Variants in NDUFC2 observed in about 807,000 individuals in gnomAD.
NDUFC2 encodes the protein NADH:ubiquinone oxidoreductase subunit C2.
NDUFC2 carries 2 observed loss-of-function variants against 10.1 expected under a neutral mutation model. The ratio of observed to expected loss-of-function variants is 0.20; its 90% CI spans 0.08 to 0.62. The LOEUF is 0.62. NDUFC2 is among the 20% of genes least tolerant of loss of function. The pLI is 0.87. For synonymous variants in NDUFC2, 61 were observed against 63.6 expected (o/e 0.96, Z 0.20); for missense variants, 156 against 159.6 (o/e 0.98, Z 0.12).
chr11:78,078,743 T>TTTTTTTA (rs1859362696), intron 1 of NDUFC2, among the ~76,000 whole-genome samples: 2 of 142,912 alleles, frequency 1.4e-5, no homozygotes, highest in Non-Finnish European at 3.0e-5. Flanking sequence ...TTTTTTTTTT[T>TTTTTTTA]GAGACAGGGT....
intron 1 of NDUFC2, among the ~76,000 whole-genome samples, chr11:78,076,017 T>C (rs1859233203): frequency 6.6e-6 from 1 of 152,222 alleles, no homozygotes. Context: ...CTTCACTCTA[T>C]ATGCACAATC....
chr11:78,077,937 G>A (rs1859320034), intron 1 of NDUFC2, among the ~76,000 whole-genome samples: 1 of 152,196 alleles, frequency 6.6e-6, no homozygotes, highest in African/African-American at 2.4e-5. Context: ...ATATGAAGTG[G>A]TGATGAAAAG....
At chr11:78,072,436 C>G (rs551586049) in intron 2 of NDUFC2, among the ~76,000 whole-genome samples, 6 of 152,360 alleles carry the variant, frequency 3.9e-5, no homozygotes, top group East Asian at 1.9e-4. Flanking sequence ...GCTCGGCCCC[C>G]CAAAGTGCTG....
intron 1 of NDUFC2, among the ~76,000 whole-genome samples, chr11:78,077,298 A>G (rs1006494049): frequency 6.6e-6 from 1 of 152,100 alleles, no homozygotes; most frequent in African/African-American, 2.4e-5. Flanking sequence ...TCTCAAAAAA[A>G]AAAAAAGGGT....
chr11:78,074,897 C>A (rs1276637608), intron 1 of NDUFC2, among the ~76,000 whole-genome samples: 1 of 152,168 alleles, frequency 6.6e-6, no homozygotes, highest in African/African-American at 2.4e-5. Flanking sequence ...GACCCATGTT[C>A]CTCACAGAAA....
At chr11:78,070,098 T>C (rs1366011291) in intron 2 of NDUFC2, 62 bp from the exon 3 acceptor site, 4 of 1,206,410 alleles carry the variant, frequency 3.3e-6, no homozygotes, top group Non-Finnish European at 4.7e-6. Context: ...TTGTATTTCC[T>C]AAACGAAAAT....
chr11:78,079,222 AG>A (rs1465914750), intron 1 of NDUFC2, among the ~76,000 whole-genome samples: 1 of 152,012 alleles, frequency 6.6e-6, no homozygotes, highest in African/African-American at 2.4e-5. Context: ...CATCCCTAAA[AG>A]TGTTTTAAGG....
rs540144360 is a variant in NDUFC2, at chr11:78,078,628, G to A, written c.166+951C>T. ...GGGAAGTACAGCACACTGGTTTAGA[G>A]CCTCCTATTCAAACCGTGGTCCTCA... On this transcript the variant is annotated intron_variant, in intron 1 of 2. Coordinates refer to ENST00000281031, the MANE Select transcript of NDUFC2 (RefSeq NM_004549.6). Among the ~76,000 whole-genome samples, 7 of 152,028 alleles carry A rather than the reference G, an allele frequency of 4.6e-5. No individual in the cohort carries two copies. In the East Asian group the frequency reaches 1.2e-3, roughly 25 times the overall value.
chr11:78,072,311 G>C lies in NDUFC2; in HGVS notation c.310+687C>G, dbSNP rs1006892190. Among the ~76,000 whole-genome samples, 6 of 152,264 alleles carry C rather than the reference G, an allele frequency of 3.9e-5. No individual in the cohort carries two copies. The South Asian group carries it at 1.2e-3, about 32-fold the overall frequency. On this transcript the variant is annotated intron_variant, in intron 2 of 2. Coordinates refer to ENST00000281031, the MANE Select transcript of NDUFC2 (RefSeq NM_004549.6). ...TCCTGCCTCAGCCTCCCAAGTAGCTGGGCTTACAGGCACCCGCCATCATGC... is the reference window on the plus strand; with the variant it reads ...TCCTGCCTCAGCCTCCCAAGTAGCTCGGCTTACAGGCACCCGCCATCATGC...
chr11:78,075,934 A>C (rs748681312), intron 1 of NDUFC2, among the ~76,000 whole-genome samples: 1 of 152,124 alleles, frequency 6.6e-6, no homozygotes, highest in Non-Finnish European at 1.5e-5. Flanking sequence ...CCAGGGCTGT[A>C]GTTTGAAAAT....
At chr11:78,072,844 T>C in intron 2 of NDUFC2, 154 bp downstream of exon 2, 2 of 1,094,290 alleles carry the variant, frequency 1.8e-6, no homozygotes, top group South Asian at 1.7e-5. Context: ...AGTCAGAAAC[T>C]GGATATATTA....
chr11:78,075,954 C>A (rs1859230117), intron 1 of NDUFC2, among the ~76,000 whole-genome samples: 1 of 152,174 alleles, frequency 6.6e-6, no homozygotes, highest in African/African-American at 2.4e-5. Context: ...TCTACCATAT[C>A]TCTTCCACCA....
At chr11:78,078,943 A>G (rs1859378078) in intron 1 of NDUFC2, among the ~76,000 whole-genome samples, 1 of 151,212 alleles carries the variant, frequency 6.6e-6, no homozygotes, top group East Asian at 1.9e-4. Context: ...CCATACTGGT[A>G]TCGAATTCCT....
chr11:78,079,462 C>A, intron 1 of NDUFC2, 117 bp downstream of exon 1: 1 of 1,396,142 alleles, frequency 7.2e-7, no homozygotes. Context: ...CGAGATGGGG[C>A]CAGCTAGGCA....
rs1859081154 is a variant in NDUFC2 at position 78,073,061 on chromosome 11, C to A, written c.247G>T (p.Ala83Ser). ...YLVKREDYLY[A>S]VRDREMFGYM... is the part of the protein sequence containing the mutation. ...CCAAACATTTCACGGTCCCTCACAG[C>A]ATACAGGTAGTCTTCACGTTTTACA... Residue 83 changes from alanine to serine, a missense_variant, in exon 2 of 3, where the codon GCT becomes TCT. Transcript: ENST00000281031. 2 of 1,613,940 alleles carry A rather than the reference C, an allele frequency of 1.2e-6. No individual in the cohort carries two copies. Among genetic ancestry groups the A allele is most frequent in the Middle Eastern group, 3.3e-4 (2 of 6,058 alleles).
chr11:78,076,767 A>C (rs1297617007), intron 1 of NDUFC2, among the ~76,000 whole-genome samples: 1 of 152,188 alleles, frequency 6.6e-6, no homozygotes, highest in Non-Finnish European at 1.5e-5. Context: ...AAAGGCACAA[A>C]CGGCTAAACT....
Position 78,079,819 on chromosome 11 carries a change from G to A in NDUFC2, c.-75C>T, listed in dbSNP as rs1859446783. On this transcript the variant is annotated 5_prime_UTR_variant, in exon 1 of 3. Coordinates refer to ENST00000281031, the MANE Select transcript of NDUFC2 (RefSeq NM_004549.6). ...GAAAACCACGACGACCACTACCCCG[G>A]CCTAAGCGGTCAGCTTTCTCCTCCT... 2 of 1,498,076 alleles carry A rather than the reference G, an allele frequency of 1.3e-6. No individual in the cohort carries two copies. Among genetic ancestry groups the A allele is most frequent in the South Asian group, 1.3e-5 (1 of 78,778 alleles). The allele number at this position is 1,498,076 out of a possible 1,614,324, so 92.8% of individuals were successfully genotyped here. A position where few individuals can be genotyped will look rare whatever the true frequency, so the allele number is the denominator to read the frequency against.
intron 1 of NDUFC2, among the ~76,000 whole-genome samples, chr11:78,078,679 CTTG>C (rs1859353705): frequency 6.9e-6 from 1 of 145,590 alleles, no homozygotes; most frequent in Admixed American, 7.2e-5. Context: ...TGTTTGAGCG[CTTG>C]TTGTTAACAT....
At chr11:78,076,077 C>A (rs1462401072) in intron 1 of NDUFC2, among the ~76,000 whole-genome samples, 1 of 152,038 alleles carries the variant, frequency 6.6e-6, no homozygotes, top group East Asian at 1.9e-4. Context: ...GGTCTGTAAA[C>A]CTTTGGAGGA....
Sources: gnomAD v4.1 joint callset for allele counts (sites outside exome capture counted in the v4.1 genomes callset) on GRCh38, gnomAD v4.1.1 for gene constraint, MANE v1.5 for transcripts, NCBI Gene and HGNC (gene_info 2026-07-23, HGNC 2026-07-21) for gene names.